Variants in ASCC3 observed in about 807,000 individuals in gnomAD.
The protein encoded by ASCC3 is activating signal cointegrator 1 complex subunit 3.
Under a neutral mutation model 256.3 loss-of-function variants are expected in ASCC3, and 158 were observed. The observed-to-expected ratio is 0.62, with a 90% CI of 0.54 to 0.70. The LOEUF (loss-of-function observed/expected upper bound fraction) is 0.70, where lower values mean the gene tolerates loss of function less well. Among genes scored for constraint, ASCC3 ranks in the 30% least tolerant of loss-of-function variants. The pLI is 0.00. For synonymous variants in ASCC3, 948 were observed against 883.4 expected (o/e 1.07, Z -1.30); for missense variants, 2,259 against 2,626.0 (o/e 0.86, Z 3.05).
intron 3 of ASCC3, chr6:100,859,249 T>C: frequency 1.3e-6 from 1 of 779,022 alleles, no homozygotes; most frequent in South Asian, 1.3e-5. Flanking sequence ...TCTGGGTTAA[T>C]TTCTGCTTCC....
chr6:100,768,675 C>T (rs1264920898), intron 8 of ASCC3, among the ~76,000 whole-genome samples: 1 of 152,084 alleles, frequency 6.6e-6, no homozygotes, highest in Non-Finnish European at 1.5e-5. Context: ...AACAAGGAGG[C>T]ATGAAAATCA....
intron 36 of ASCC3, among the ~76,000 whole-genome samples, chr6:100,581,448 A>G (rs1426239201): frequency 6.6e-6 from 1 of 151,730 alleles, no homozygotes; most frequent in Non-Finnish European, 1.5e-5. Flanking sequence ...TTTTCTTGTA[A>G]ATTTGTTTAA....
chr6:100,805,584 A>AT (rs958023658), intron 5 of ASCC3, among the ~76,000 whole-genome samples, 176 bp downstream of exon 5: 1 of 152,112 alleles, frequency 6.6e-6, no homozygotes, highest in African/African-American at 2.4e-5. Context: ...CTGCCCTCCT[A>AT]TTTAGATCAC....
intron 4 of ASCC3, among the ~76,000 whole-genome samples, chr6:100,812,080 TCAG>T (rs1582899274): frequency 6.6e-6 from 1 of 151,994 alleles, no homozygotes; most frequent in African/African-American, 2.4e-5. Context: ...ACAAACAACA[TCAG>T]AAGCTTAATA....
intron 36 of ASCC3, among the ~76,000 whole-genome samples, chr6:100,564,666 A>G (rs893689363): frequency 7.2e-5 from 11 of 152,176 alleles, no homozygotes; most frequent in African/African-American, 2.4e-4. Context: ...CTTAATTATC[A>G]TGGTTCCTCT....
At chr6:100,535,259 G>T (rs1029732761) in intron 37 of ASCC3, among the ~76,000 whole-genome samples, 6 of 152,128 alleles carry the variant, frequency 3.9e-5, no homozygotes, top group Non-Finnish European at 7.3e-5. Flanking sequence ...CAAACTGCTT[G>T]AACCAGTGCT....
chr6:100,530,487 A>T, intron 37 of ASCC3: 1 of 790,062 alleles, frequency 1.3e-6, no homozygotes, highest in Non-Finnish European at 2.3e-6. Context: ...ACTGTACAAT[A>T]GAGACAAAGA....
intron 8 of ASCC3, among the ~76,000 whole-genome samples, chr6:100,783,666 C>T (rs116573605): frequency 6.6e-6 from 1 of 152,266 alleles, no homozygotes; most frequent in African/African-American, 2.4e-5. Context: ...TACTACTTCA[C>T]TAAATACACC....
chr6:100,840,015 A>G (rs896560752), intron 4 of ASCC3, among the ~76,000 whole-genome samples: 2 of 152,238 alleles, frequency 1.3e-5, no homozygotes, highest in African/African-American at 4.8e-5. Context: ...GTCAGCTAAA[A>G]GTAGAACACA....
In ASCC3 at chr6:100,606,733, A is replaced by G; in HGVS notation, c.5044+7T>C. On this transcript the variant is annotated splice_region_variant and intron_variant, in intron 32 of 41. Coordinates refer to ENST00000369162, the MANE Select transcript of ASCC3 (RefSeq NM_006828.4). ...TTCATGTATTTCTGTGAATTTAAGAAAATTACCTGTAATGGGAAAATCCAC... is the reference window on the plus strand; with the variant it reads ...TTCATGTATTTCTGTGAATTTAAGAGAATTACCTGTAATGGGAAAATCCAC... 6.3e-7 allele frequency: 1 copy of G among 1,590,056 alleles called. No individual in the cohort carries two copies. The highest frequency in any genetic ancestry group is 8.5e-7 in the Non-Finnish European group (1 of 1,172,970).
intron 4 of ASCC3, among the ~76,000 whole-genome samples, chr6:100,816,368 A>G (rs1286650783): frequency 6.6e-6 from 1 of 151,146 alleles, no homozygotes; most frequent in African/African-American, 2.4e-5. Context: ...TTAAAGAGCT[A>G]AAAAAAAACT....
At chr6:100,688,275 A>AC (rs1777678497) in intron 13 of ASCC3, among the ~76,000 whole-genome samples, 1 of 102,494 alleles carries the variant, frequency 9.8e-6, no homozygotes, top group African/African-American at 3.7e-5. Context: ...ATTAAAAAAA[A>AC]AAAACAACAA....
chr6:100,583,261 A>C (rs1246498459), intron 36 of ASCC3, among the ~76,000 whole-genome samples: 1 of 152,142 alleles, frequency 6.6e-6, no homozygotes, highest in Non-Finnish European at 1.5e-5. Flanking sequence ...CCACAATTTC[A>C]AATCCTGTTA....
intron 3 of ASCC3, chr6:100,858,656 C>G (rs1337137744): frequency 2.0e-6 from 2 of 1,001,302 alleles, no homozygotes; most frequent in Non-Finnish European, 2.4e-6. Flanking sequence ...ATCACACACA[C>G]ACATCATGTG....
chr6:100,866,001 G>A (rs1015642761), intron 2 of ASCC3, among the ~76,000 whole-genome samples: 2 of 146,906 alleles, frequency 1.4e-5, no homozygotes, highest in African/African-American at 2.6e-5. Context: ...ATGGAGTCTC[G>A]CTCTGTCACC....
chr6:100,688,107 A>G (rs1480526628), intron 13 of ASCC3, among the ~76,000 whole-genome samples: 1 of 152,128 alleles, frequency 6.6e-6, no homozygotes, highest in Non-Finnish European at 1.5e-5. Flanking sequence ...GTTTAAAACA[A>G]TATTGATTTT....
intron 39 of ASCC3, among the ~76,000 whole-genome samples, chr6:100,514,922 T>A (rs1773945232): frequency 6.6e-6 from 1 of 152,198 alleles, no homozygotes; most frequent in Admixed American, 6.5e-5. Context: ...AGGATTTGTA[T>A]GTTACCTGGG....
At chr6:100,564,949 A>G (rs1232268418) in intron 36 of ASCC3, among the ~76,000 whole-genome samples, 1 of 152,220 alleles carries the variant, frequency 6.6e-6, no homozygotes, top group Admixed American at 6.6e-5. Flanking sequence ...TGCTTTGTGT[A>G]ACAAAAAGGC....
At chr6:100,554,081 GAT>G (rs1769441863) in intron 36 of ASCC3, among the ~76,000 whole-genome samples, 1 of 152,090 alleles carries the variant, frequency 6.6e-6, no homozygotes, top group Non-Finnish European at 1.5e-5. Context: ...AGTTTTATTT[GAT>G]ATGTAAATCT....
Sources: allele counts gnomAD v4.1 joint callset (sites outside exome capture counted in the v4.1 genomes callset), GRCh38; gene constraint gnomAD v4.1.1; transcripts MANE v1.5; gene names NCBI Gene and HGNC (gene_info 2026-07-23, HGNC 2026-07-21).